NPR1: variants seen among roughly 807,000 people sequenced by gnomAD.
NPR1 encodes atrial natriuretic peptide receptor 1.
In NPR1, 57 loss-of-function variants were observed where a neutral mutation model predicts 116.9. The observed-to-expected ratio is 0.49, with a 90% CI of 0.39 to 0.61. NPR1 has a LOEUF of 0.61. Ranked by LOEUF, NPR1 falls within the 20% of genes least tolerant of loss-of-function variation. The pLI, the probability that NPR1 is intolerant of heterozygous loss-of-function variation, is 0.00. For missense variants in NPR1, 1,096 were observed against 1,409.8 expected (o/e 0.78, Z 3.56); for synonymous variants, 555 against 601.6 (o/e 0.92, Z 1.13).
chr1:153,688,928 C>G, intron 15 of NPR1, 25 bp from the exon 16 acceptor site: 1 of 1,613,652 alleles, frequency 6.2e-7, no homozygotes, highest in Non-Finnish European at 8.5e-7. Context: ...CTCTTACCAC[C>G]CCCACCGCCA....
intron 5 of NPR1, 32 bp downstream of exon 5, chr1:153,682,621 T>C: frequency 1.3e-6 from 2 of 1,527,368 alleles, no homozygotes; most frequent in Non-Finnish European, 1.8e-6. Context: ...ACAGTGCCAA[T>C]TCCAAATGAC....
In NPR1 at chr1:153,689,235, C is replaced by A. The variant is rs1403763373; in HGVS notation, c.2612C>A (p.Ala871Asp). ...CGTGGGGAGACGGTGCAGGCCGAAG[C>A]CTTTGACAGTGTTACCATCTACTTC... ...LKRGETVQAE[A>D]FDSVTIYFSD... The change falls in exon 17 of 22, where the codon GCC (alanine) becomes GAC (aspartate). Residue 871 changes from alanine to aspartate, a missense_variant. By Grantham distance (126) the Ala-to-Asp change is moderately radical. Transcript: ENST00000368680. The surrounding 1 kb of genome is among the most constrained non-coding windows in gnomAD (Gnocchi z 5.1). 1 of 1,614,184 alleles carries A rather than the reference C, an allele frequency of 6.2e-7. No individual in the cohort carries two copies. Among genetic ancestry groups the A allele is most frequent in the South Asian group, 1.1e-5 (1 of 91,090 alleles).
chr1:153,679,456 C>T lies in NPR1; in HGVS notation c.348C>T (p.Pro116=), dbSNP rs1489905724. The change falls in exon 1 of 22, where the codon CCC becomes CCT. Residue 116 remains proline (P), a synonymous_variant. Transcript: ENST00000368680. This position sits in a 1 kb window ranked among gnomAD's most constrained non-coding sequence, Gnocchi z 4.2. ...WEHNPAVFLG[P]GCVYAAAPVG... ...ACAACCCCGCTGTGTTCCTGGGCCCCGGCTGCGTGTACGCCGCCGCCCCAG... is the reference window on the plus strand; with the variant it reads ...ACAACCCCGCTGTGTTCCTGGGCCCTGGCTGCGTGTACGCCGCCGCCCCAG... The T allele has an allele frequency of 1.3e-6, 2 of 1,542,040 alleles. No individual in the cohort carries two copies. Among genetic ancestry groups the T allele is most frequent in the Non-Finnish European group, 1.7e-6 (2 of 1,148,328 alleles).
Position 153,687,683 on chromosome 1 carries a change from G to A in NPR1, c.2142G>A (p.Val714=). ...TCCTGCGAATGGCTTCACCCCCTGT[G>A]CGGGGCTCCCAGGCTGGTGACGTAT... is the stretch of plus-strand genomic sequence containing the variant. ...PELLRMASPP[V]RGSQAGDVYS... is the part of the protein sequence containing the mutation. The change falls in exon 14 of 22, where the codon GTG becomes GTA. Residue 714 remains valine, a synonymous_variant. Transcript: ENST00000368680. 6.2e-7 allele frequency: 1 copy of A among 1,606,334 alleles called. No homozygotes were observed. The highest frequency in any genetic ancestry group is 8.5e-7 in the Non-Finnish European group (1 of 1,173,772).
Position 153,693,887 on chromosome 1 carries a change from G to C in NPR1, c.*473G>C, listed in dbSNP as rs563408760. Reference sequence around the variant, plus strand: ...CTCCCCCGACCCCCTCCACCCAGCAGTAGACACAGTGCACAGGGGAGAAGA... The same window carrying C: ...CTCCCCCGACCCCCTCCACCCAGCACTAGACACAGTGCACAGGGGAGAAGA... On this transcript the variant is annotated 3_prime_UTR_variant, in exon 22 of 22. Coordinates refer to ENST00000368680, the MANE Select transcript of NPR1 (RefSeq NM_000906.4). 1 of 399,678 alleles carries C rather than the reference G, an allele frequency of 2.5e-6. No homozygotes were observed. The highest frequency in any genetic ancestry group is 3.6e-5 in the East Asian group (1 of 28,104). The allele number at this position is 399,678 out of a possible 1,614,324, so 24.8% of individuals were successfully genotyped here. A position where few individuals can be genotyped will look rare whatever the true frequency, so the allele number is the denominator to read the frequency against.
At chr1:153,684,858 C>T (rs1669882525) in intron 7 of NPR1, 106 bp from the exon 8 acceptor site, 1 of 1,425,334 alleles carries the variant, frequency 7.0e-7, no homozygotes, top group Admixed American at 2.0e-5. Context: ...CCCCCTCCAT[C>T]TCTGAGTGCA....
At position 153,693,349 on chromosome 1, in the gene NPR1, C is replaced by G; in HGVS notation, c.3124-3C>G. On this transcript the variant is annotated splice_region_variant and splice_polypyrimidine_tract_variant and intron_variant, in intron 21 of 21. Coordinates refer to ENST00000368680, the MANE Select transcript of NPR1 (RefSeq NM_000906.4). ...CCCAGCCCATCCTCTTTTTTCCCTC[C>G]AGGGCAAAGGCAAGGTTCGGACCTA... The G allele has an allele frequency of 1.2e-6, 2 of 1,612,828 alleles. No homozygotes were observed.
In NPR1 at chr1:153,680,611, C is replaced by A. The variant is rs1557960066; in HGVS notation, c.832C>A (p.Gln278Lys). Reference protein sequence around the residue: ...YVFFHLDIFGQSLQGGQGPAP... With the variant: ...YVFFHLDIFGKSLQGGQGPAP... Reference sequence around the variant, plus strand: ...TTTCTTCCACCTGGATATCTTTGGGCAAAGCCTGCAAGGTGGACAGGGCCC... The same window carrying A: ...TTTCTTCCACCTGGATATCTTTGGGAAAAGCCTGCAAGGTGGACAGGGCCC... The change falls in exon 2 of 22, where the codon CAA becomes AAA. Residue 278 changes from glutamine (Q) to lysine (K), a missense_variant. Physicochemically the swap from Gln to Lys is moderately conservative, Grantham distance 53. Coordinates refer to ENST00000368680, the MANE Select transcript of NPR1 (RefSeq NM_000906.4). 1 of 1,614,146 alleles carries A rather than the reference C, an allele frequency of 6.2e-7. No individual in the cohort carries two copies. The highest frequency in any genetic ancestry group is 8.5e-7 in the Non-Finnish European group (1 of 1,180,026).
Position 153,689,289 on chromosome 1 carries a change from C to T in NPR1, c.2666C>T (p.Ser889Leu). The change falls in exon 17 of 22, where the codon TCG becomes TTG. Residue 889 changes from serine (S) to leucine (L), a missense_variant. By Grantham distance (145) the Ser-to-Leu change is moderately radical (BLOSUM62 -2). Transcript: ENST00000368680. This position sits in a 1 kb window ranked among gnomAD's most constrained non-coding sequence, Gnocchi z 5.1. Reference sequence around the variant, plus strand: ...GACATTGTGGGTTTCACAGCGCTGTCGGCGGAGAGCACACCCATGCAGGTA... The same window carrying T: ...GACATTGTGGGTTTCACAGCGCTGTTGGCGGAGAGCACACCCATGCAGGTA... ...FSDIVGFTALSAESTPMQVVT... is the reference protein window; with the variant it reads ...FSDIVGFTALLAESTPMQVVT... The T allele has an allele frequency of 1.2e-6, 2 of 1,614,222 alleles. No individual in the cohort carries two copies. The highest frequency in any genetic ancestry group is 1.1e-5 in the South Asian group (1 of 91,078).
chr1:153,685,692 G>T, intron 8 of NPR1, 114 bp from the exon 9 acceptor site: 1 of 802,288 alleles, frequency 1.2e-6, no homozygotes, highest in South Asian at 1.6e-5. Flanking sequence ...AAAAAGGAAG[G>T]GTGACACAAA....
Position 153,678,876 on chromosome 1 carries a change from TG to T in NPR1, c.-231del. 4.0e-6 allele frequency: 2 copies of T among 503,328 alleles called. No individual in the cohort carries two copies. Among genetic ancestry groups the T allele is most frequent in the Non-Finnish European group, 3.4e-6 (1 of 295,732 alleles). The allele number at this position is 503,328 out of a possible 1,614,324, so 31.2% of individuals were successfully genotyped here. On this transcript the variant is annotated 5_prime_UTR_variant, in exon 1 of 22. Transcript: ENST00000368680. The surrounding 1 kb of genome is among the most constrained non-coding windows in gnomAD (Gnocchi z 5.8). ...GGTCCTCTCCAGCCCGACGTTCTCC[TG>T]GCACCCACCTGCTCCGCGGCGCCCT... is the stretch of plus-strand genomic sequence containing the variant.
In NPR1 at chr1:153,684,985, A is replaced by T. The variant is rs1255433645; in HGVS notation, c.1506A>T (p.Glu502Asp). The change falls in exon 8 of 22, where the codon GAA (glutamate) becomes GAT (aspartate). Residue 502 changes from glutamate (E) to aspartate (D), a missense_variant. By Grantham distance (45) the Glu-to-Asp change is conservative. Coordinates refer to ENST00000368680, the MANE Select transcript of NPR1 (RefSeq NM_000906.4). ...CCAGGAAGATGCAGCTGGAGAAGGA[A>T]CTGGCCTCGGAGCTGTGGCGGGTGC... ...FIYRKMQLEK[E>D]LASELWRVRW... 1 of 1,614,090 alleles carries T rather than the reference A, an allele frequency of 6.2e-7. No homozygotes were observed. Among genetic ancestry groups the T allele is most frequent in the East Asian group, 2.2e-5 (1 of 44,876 alleles).
Position 153,689,067 on chromosome 1 carries a change from G to A in NPR1, c.2532G>A (p.Lys844=). 6.2e-7 allele frequency: 1 copy of A among 1,614,220 alleles called. No individual in the cohort carries two copies. Among genetic ancestry groups the A allele is most frequent in the Non-Finnish European group, 8.5e-7 (1 of 1,180,036 alleles). ...RTQAYLEEKR[K]AEALLYQILP... is the part of the protein sequence containing the mutation. ...AGGCATACCTGGAGGAGAAGCGCAAGGCTGAGGCCCTGCTCTACCAGATCC... is the reference window on the plus strand; with the variant it reads ...AGGCATACCTGGAGGAGAAGCGCAAAGCTGAGGCCCTGCTCTACCAGATCC... Residue 844 remains lysine, a synonymous_variant, in exon 16 of 22, where the codon AAG becomes AAA. Coordinates refer to ENST00000368680, the MANE Select transcript of NPR1 (RefSeq NM_000906.4). The surrounding 1 kb of genome is among the most constrained non-coding windows in gnomAD (Gnocchi z 5.1).
chr1:153,690,866 C>A (rs1468174397), intron 20 of NPR1, among the ~76,000 whole-genome samples: 1 of 150,306 alleles, frequency 6.7e-6, no homozygotes, highest in Non-Finnish European at 1.5e-5. Flanking sequence ...TTGCTTGAAC[C>A]CGGGAGGCAG....
intron 10 of NPR1, 43 bp from the exon 11 acceptor site, chr1:153,686,603 A>G (rs2101734936): frequency 6.6e-7 from 1 of 1,524,308 alleles, no homozygotes; most frequent in Middle Eastern, 1.7e-4. Flanking sequence ...CTTGGTGAGG[A>G]GCGAGGTCTC....
chr1:153,690,072 CT>C, intron 19 of NPR1, 92 bp downstream of exon 19: 1 of 279,930 alleles, frequency 3.6e-6, no homozygotes, highest in Non-Finnish European at 5.6e-6. Context: ...CCTTTCATCT[CT>C]CTCTCTCTCT....
In NPR1 at chr1:153,679,479, C is replaced by A. The variant is rs1406956786; in HGVS notation, c.371C>A (p.Pro124Gln). 6.5e-7 allele frequency: 1 copy of A among 1,540,174 alleles called. No individual in the cohort carries two copies. The change falls in exon 1 of 22, where the codon CCA becomes CAA. Residue 124 changes from proline to glutamine, a missense_variant. Physicochemically the swap from Pro to Gln is moderately conservative, Grantham distance 76. Coordinates refer to ENST00000368680, the MANE Select transcript of NPR1 (RefSeq NM_000906.4). The surrounding 1 kb of genome is among the most constrained non-coding windows in gnomAD (Gnocchi z 4.2). ...CCCGGCTGCGTGTACGCCGCCGCCC[C>A]AGTGGGGCGCTTCACCGCGCACTGG... is the stretch of plus-strand genomic sequence containing the variant. The part of the protein sequence containing the change: ...LGPGCVYAAA[P>Q]VGRFTAHWRV...
In NPR1 at chr1:153,678,758, C is replaced by G. The variant is rs13306003; in HGVS notation, c.-351C>G. 1 of 315,668 alleles carries G rather than the reference C, an allele frequency of 3.2e-6. No individual in the cohort carries two copies. The highest frequency in any genetic ancestry group is 5.8e-6 in the Non-Finnish European group (1 of 173,850). 19.6% of individuals were successfully genotyped at this position (315,668 alleles called of 1,614,324 possible). A position where few individuals can be genotyped will look rare whatever the true frequency, so the allele number is the denominator to read the frequency against. On this transcript the variant is annotated 5_prime_UTR_variant, in exon 1 of 22. Coordinates refer to ENST00000368680, the MANE Select transcript of NPR1 (RefSeq NM_000906.4). The surrounding 1 kb of genome is among the most constrained non-coding windows in gnomAD (Gnocchi z 5.8). ...CTCTTTCCTCCCTCGCGCGCCCTCTCTCATCCTTCTTCACGAAGCGCTCAC... is the reference window on the plus strand; with the variant it reads ...CTCTTTCCTCCCTCGCGCGCCCTCTGTCATCCTTCTTCACGAAGCGCTCAC...
At chr1:153,684,415 C>T (rs1275472611) in intron 7 of NPR1, among the ~76,000 whole-genome samples, 17 of 99,938 alleles carry the variant, frequency 1.7e-4, no homozygotes, top group African/African-American at 5.2e-4. Flanking sequence ...TTTTTTGAGA[C>T]GGAGTCTCGC....
Sources: gnomAD v4.1 joint callset for allele counts (sites outside exome capture counted in the v4.1 genomes callset) on GRCh38, gnomAD v4.1.1 for gene constraint, Gnocchi (gnomAD v3.1) non-coding constraint, MANE v1.5 for transcripts, NCBI Gene and HGNC (gene_info 2026-07-23, HGNC 2026-07-21) for gene names.